SEMA4G: variants seen among roughly 807,000 people sequenced by gnomAD.
SEMA4G encodes the protein semaphorin-4G.
SEMA4G carries 59 observed loss-of-function variants against 81.2 expected under a neutral mutation model. That is an observed-to-expected ratio of 0.73 (90% confidence interval 0.59 to 0.90). SEMA4G has a LOEUF of 0.90. Ranked by LOEUF, SEMA4G falls within the 40% of genes least tolerant of loss-of-function variation. The pLI is 0.00. For missense variants in SEMA4G, 952 were observed against 1,102.3 expected (o/e 0.86, Z 1.93); for synonymous variants, 404 against 433.9 (o/e 0.93, Z 0.86).
intron 10 of SEMA4G, 96 bp from the exon 12 acceptor site, chr10:100,980,482 C>T (rs972453668): frequency 1.5e-5 from 20 of 1,340,068 alleles, no homozygotes; most frequent in Non-Finnish European, 2.0e-5. Context: ...TTGTTCTGGA[C>T]CTCAGGACTC....
chr10:100,973,714 A>G lies in SEMA4G; in HGVS notation c.336+105A>G. On this transcript the variant is annotated intron_variant, in intron 3 of 13. Coordinates refer to ENST00000370250, the Ensembl canonical transcript of SEMA4G. The surrounding 1 kb of genome is among the most constrained non-coding windows in gnomAD (Gnocchi z 5.5). ...ATGGGTAGGTACAGACCTGCCAGTC[A>G]ATCTCAGCAACCACAGTAAACATTG... 1 of 965,624 alleles carries G rather than the reference A, an allele frequency of 1.0e-6. No homozygotes were observed. The highest frequency in any genetic ancestry group is 1.6e-6 in the Non-Finnish European group (1 of 632,804). The allele number at this position is 965,624 out of a possible 1,614,324, so 59.8% of individuals were successfully genotyped here. A position where few individuals can be genotyped will look rare whatever the true frequency, so the allele number is the denominator to read the frequency against.
At chr10:100,978,933 C>T (rs540792779) in exon 7 of SEMA4G, 12 of 1,614,186 alleles carry the variant, frequency 7.4e-6, no homozygotes, top group Middle Eastern at 1.6e-4. Context: ...TACTTCTTCA[C>T]GGAGCGTGCC....
intron 3 of SEMA4G, among the ~76,000 whole-genome samples, chr10:100,977,025 T>TGC (rs1409972828): frequency 2.0e-5 from 3 of 152,072 alleles, no homozygotes; most frequent in Non-Finnish European, 1.5e-5. Context: ...AGGGACTGAA[T>TGC]GTGGGGGTGA....
chr10:100,979,105 G>A (rs762050264), exon 8 of SEMA4G: 3 of 1,614,068 alleles, frequency 1.9e-6, no homozygotes, highest in Non-Finnish European at 2.5e-6. Context: ...TCCCCAGGGA[G>A]ACCTGGGAGG....
downstream of SEMA4G, chr10:100,984,886 G>A: frequency 6.8e-7 from 1 of 1,468,424 alleles, no homozygotes; most frequent in Non-Finnish European, 9.0e-7. Context: ...TCATTCTCAA[G>A]AGTATGAGAG....
chr10:100,975,223 G>A (rs1487683093), intron 3 of SEMA4G: 1 of 340,688 alleles, frequency 2.9e-6, no homozygotes, highest in African/African-American at 2.2e-5. Flanking sequence ...GTATCACCCA[G>A]GTATATTATA....
Position 100,973,223 on chromosome 10 carries a change from A to G in SEMA4G, c.219A>G (p.Arg73=). The G allele has an allele frequency of 6.2e-7, 1 of 1,613,550 alleles. No individual in the cohort carries two copies. The highest frequency in any genetic ancestry group is 2.2e-5 in the East Asian group (1 of 44,872). ...CAGCAAGGCTGCTGGTGGGAGCCCG[A>G]GGTGCCCTGTTCTCTCTCAGTGCCA... Residue 73 remains arginine (R), a synonymous_variant, in exon 2 of 14, where the codon CGA becomes CGG. Coordinates refer to ENST00000370250, the Ensembl canonical transcript of SEMA4G. This position sits in a 1 kb window ranked among gnomAD's most constrained non-coding sequence, Gnocchi z 5.5.
intron 10 of SEMA4G, 90 bp downstream of exon 11, chr10:100,980,434 C>A: frequency 1.4e-6 from 2 of 1,412,696 alleles, no homozygotes; most frequent in Non-Finnish European, 2.0e-6. Flanking sequence ...GTCTGGAGTT[C>A]CCAGTGTCCT....
upstream of SEMA4G, among the ~76,000 whole-genome samples, chr10:100,970,810 G>C (rs1484101043): frequency 6.6e-6 from 1 of 152,136 alleles, no homozygotes; most frequent in Non-Finnish European, 1.5e-5. Context: ...ATGATTGCCT[G>C]GCCCACTATA....
At chr10:100,969,999 T>C (rs1183648437), upstream of SEMA4G, 1 of 426,748 alleles carries the variant, frequency 2.3e-6, no homozygotes. Context: ...GGAGGGGCTC[T>C]CTCAAGCCAG....
chr10:100,978,878 C>T lies in SEMA4G; in HGVS notation c.673C>T (p.Arg225Trp), dbSNP rs760610802. 21 of 1,614,124 alleles carry T rather than the reference C, an allele frequency of 1.3e-5. No individual in the cohort carries two copies. In the Middle Eastern group the frequency reaches 1.2e-3, roughly 89 times the overall value. Residue 225 changes from arginine to tryptophan, a missense_variant, in exon 7 of 14, where the codon CGG (arginine) becomes TGG (tryptophan). Coordinates refer to ENST00000370250, the Ensembl canonical transcript of SEMA4G. ...GGAGTTTGTGTTCTCCGTCCTCGTG[C>T]GGGAGAGCAAGGCCAGTGCAGTGGG...
At chr10:100,980,720 T>C (rs1398113213) in intron 11 of SEMA4G, 27 bp downstream of exon 12, 3 of 1,608,644 alleles carry the variant, frequency 1.9e-6, no homozygotes, top group South Asian at 1.1e-5. Flanking sequence ...ACCCTTAATA[T>C]AGCCTTGCTG....
At chr10:100,980,426 C>A in intron 10 of SEMA4G, 82 bp downstream of exon 11, 1 of 1,444,480 alleles carries the variant, frequency 6.9e-7, no homozygotes. Context: ...CATGACTAGT[C>A]TGGAGTTCCC....
In SEMA4G at chr10:100,973,713, C is replaced by A; in HGVS notation, c.336+104C>A. 2.1e-6 allele frequency: 2 copies of A among 961,546 alleles called. No homozygotes were observed. Among genetic ancestry groups the A allele is most frequent in the Non-Finnish European group, 1.6e-6 (1 of 629,020 alleles). 59.6% of individuals were successfully genotyped at this position (961,546 alleles called of 1,614,324 possible). ...GATGGGTAGGTACAGACCTGCCAGT[C>A]AATCTCAGCAACCACAGTAAACATT... On this transcript the variant is annotated intron_variant, in intron 3 of 13. Coordinates refer to ENST00000370250, the Ensembl canonical transcript of SEMA4G. This position sits in a 1 kb window ranked among gnomAD's most constrained non-coding sequence, Gnocchi z 5.5.
chr10:100,984,446 C>T (rs1394221728), exon 14 of SEMA4G: 2 of 1,510,656 alleles, frequency 1.3e-6, no homozygotes, highest in Non-Finnish European at 8.8e-7. Context: ...GGACTCCATC[C>T]TCCTGTTCCA....
chr10:100,977,671 A>C (rs768561807), exon 4 of SEMA4G: 5 of 1,614,096 alleles, frequency 3.1e-6, no homozygotes, highest in Non-Finnish European at 4.2e-6. Context: ...GCAGCGGCTC[A>C]ATTCTACCCA....
In SEMA4G at chr10:100,983,667, G is replaced by A. The variant is rs149914326; in HGVS notation, c.2053G>A (p.Gly685Ser). The A allele has an allele frequency of 1.3e-3, 2,159 of 1,613,468 alleles. 2 individuals are homozygous for A. The highest frequency in any genetic ancestry group is 1.7e-3 in the Non-Finnish European group (1,997 of 1,179,838). ...CTATGTGCTAGCCATTGCCGCGCTT[G>A]GTGGCCTCTGCCTCATCCTGGCCTC... The change falls in exon 14 of 14, where the codon GGT becomes AGT. Residue 685 changes from glycine to serine, a missense_variant. By Grantham distance (56) the Gly-to-Ser change is moderately conservative. Around this residue, in one of 3 missense-constraint regions of SEMA4G, gnomAD observed 385 missense variants for 413.5 expected, o/e 0.93. Transcript: ENST00000370250.
intron 4 of SEMA4G, 98 bp from the exon 6 acceptor site, chr10:100,978,197 T>A: frequency 1.2e-6 from 1 of 804,302 alleles, no homozygotes; most frequent in African/African-American, 1.7e-5. Context: ...CCTGCCCCTA[T>A]CCCTGATCGC....
At chr10:100,972,721 T>A (rs1850667141) in exon 1 of SEMA4G, 11 of 558,350 alleles carry the variant, frequency 2.0e-5, no homozygotes, top group Non-Finnish European at 3.1e-5. Context: ...ACCCTGTGAC[T>A]CCATGTCCCC....
Sources: gnomAD v4.1 joint callset for allele counts (sites outside exome capture counted in the v4.1 genomes callset) on GRCh38, gnomAD v4.1.1 for gene constraint, gnomAD v4.1.1 regional missense constraint, Gnocchi (gnomAD v3.1) non-coding constraint, MANE v1.5 for transcripts, NCBI Gene and HGNC (gene_info 2026-07-23, HGNC 2026-07-21) for gene names.